Variants in SCAPER observed in about 807,000 individuals in gnomAD.
SCAPER encodes S phase cyclin A-associated protein in the endoplasmic reticulum.
In SCAPER, 98 loss-of-function variants were observed where a neutral mutation model predicts 182.2. The observed-to-expected ratio is 0.54, with a 90% CI of 0.46 to 0.64. The LOEUF (loss-of-function observed/expected upper bound fraction) is 0.64, where lower values mean the gene tolerates loss of function less well. SCAPER is among the 30% of genes least tolerant of loss of function. The pLI is 0.00. For synonymous variants in SCAPER, 605 were observed against 564.6 expected (o/e 1.07, Z -1.01); for missense variants, 1,432 against 1,690.0 (o/e 0.85, Z 2.68).
At chr15:76,822,628 T>C (rs1459776526) in intron 5 of SCAPER, among the ~76,000 whole-genome samples, 1 of 152,232 alleles carries the variant, frequency 6.6e-6, no homozygotes, top group Non-Finnish European at 1.5e-5. Context: ...TACTGCACCA[T>C]TCACAATGAT....
intron 21 of SCAPER, among the ~76,000 whole-genome samples, chr15:76,652,273 AATATATATATATATATATATATAT>A (rs1172636102): frequency 7.8e-5 from 1 of 12,870 alleles, no homozygotes; most frequent in Non-Finnish European, 1.3e-4. Flanking sequence ...AAAAAAAAAA[AATATATATATATATATATATATAT>A]ATATATATAT....
intron 8 of SCAPER, among the ~76,000 whole-genome samples, chr15:76,794,945 C>CT (rs1387111174): frequency 6.6e-6 from 1 of 152,130 alleles, no homozygotes; most frequent in African/African-American, 2.4e-5. Context: ...TAACATGCTA[C>CT]TTAAAAGTGA....
chr15:76,641,744 G>T (rs562337357), intron 21 of SCAPER, among the ~76,000 whole-genome samples: 1 of 152,238 alleles, frequency 6.6e-6, no homozygotes, highest in African/African-American at 2.4e-5. Context: ...AACAAAATTT[G>T]CATTTGGTAA....
intron 22 of SCAPER, among the ~76,000 whole-genome samples, chr15:76,612,352 C>T (rs539855740): frequency 1.2e-4 from 19 of 152,284 alleles, no homozygotes; most frequent in South Asian, 1.2e-3. Flanking sequence ...ATTCTCCCAC[C>T]TCAGCCTCCC....
rs140206535 is a variant in SCAPER, at chr15:76,377,831, G to A, written c.3706-1520C>T. ...CAGGTTTGTGGCTTTGAAGAAGGGT[G>A]AAGGAGCACTGGGAATGCTGCATTC... On this transcript the variant is annotated intron_variant, in intron 28 of 31. Transcript: ENST00000563290. 3.2e-3 allele frequency among the ~76,000 whole-genome samples: 485 copies of A among 152,348 alleles called. 5 individuals are homozygous for A. Among genetic ancestry groups the A allele is most frequent in the African/African-American group, 0.011 (463 of 41,576 alleles).
intron 16 of SCAPER, among the ~76,000 whole-genome samples, chr15:76,729,211 T>G (rs1480198924): frequency 1.3e-5 from 2 of 151,710 alleles, no homozygotes; most frequent in African/African-American, 4.8e-5. Flanking sequence ...TGTGGGACCT[T>G]GTGATTGTGT....
chr15:76,717,926 A>G (rs1232195342), intron 17 of SCAPER, among the ~76,000 whole-genome samples: 1 of 152,178 alleles, frequency 6.6e-6, no homozygotes, highest in African/African-American at 2.4e-5. Flanking sequence ...ACTTTGACCA[A>G]ATGGACCTAA....
At chr15:76,606,928 T>A (rs900601175) in intron 22 of SCAPER, among the ~76,000 whole-genome samples, 1 of 152,212 alleles carries the variant, frequency 6.6e-6, no homozygotes, top group Admixed American at 6.5e-5. Context: ...GTGAGATGGG[T>A]TTCCTGAATA....
At position 76,526,627 on chromosome 15, in the gene SCAPER, A is replaced by G. The variant is rs570296155; in HGVS notation, c.2839-21653T>C. Among the ~76,000 whole-genome samples the G allele has an allele frequency of 4.6e-5, 7 of 152,244 alleles. No individual in the cohort carries two copies. In the South Asian group the frequency reaches 1.5e-3, roughly 32 times the overall value. ...TGTTCTTCTGCTATTTTTAAGATAT[A>G]GTCCTTAATATTAATACTATGACCC... On this transcript the variant is annotated intron_variant, in intron 23 of 31. Coordinates refer to ENST00000563290, the MANE Select transcript of SCAPER (RefSeq NM_020843.4).
intron 22 of SCAPER, among the ~76,000 whole-genome samples, chr15:76,607,870 G>C (rs1248204758): frequency 6.6e-6 from 1 of 152,108 alleles, no homozygotes; most frequent in East Asian, 1.9e-4. Flanking sequence ...AGCTCCATCA[G>C]GTCCTCTAAG....
intron 22 of SCAPER, among the ~76,000 whole-genome samples, chr15:76,618,741 T>C (rs761956232): frequency 6.6e-6 from 1 of 152,216 alleles, no homozygotes; most frequent in Non-Finnish European, 1.5e-5. Flanking sequence ...TAAAAGTAAA[T>C]ATGTATTTCA....
At chr15:76,451,318 A>T (rs2048353979) in intron 25 of SCAPER, among the ~76,000 whole-genome samples, 1 of 152,226 alleles carries the variant, frequency 6.6e-6, no homozygotes. Flanking sequence ...GGATGCTAAG[A>T]TCATTCCTGT....
At chr15:76,530,109 T>A (rs1046011281) in intron 23 of SCAPER, among the ~76,000 whole-genome samples, 1 of 152,168 alleles carries the variant, frequency 6.6e-6, no homozygotes, top group Non-Finnish European at 1.5e-5. Flanking sequence ...GGAGGAATGA[T>A]CTACTTCCTA....
At chr15:76,625,971 A>G (rs983783150) in intron 21 of SCAPER, among the ~76,000 whole-genome samples, 1 of 152,126 alleles carries the variant, frequency 6.6e-6, no homozygotes, top group Non-Finnish European at 1.5e-5. Context: ...AGAATACACT[A>G]ACAGTAACGA....
At chr15:76,666,175 CG>C (rs1186941892) in intron 20 of SCAPER, among the ~76,000 whole-genome samples, 3 of 152,036 alleles carry the variant, frequency 2.0e-5, no homozygotes, top group African/African-American at 7.2e-5. Context: ...GTTCACTAGG[CG>C]GAAGAGGGGG....
At chr15:76,540,870 C>G (rs761563395) in intron 23 of SCAPER, among the ~76,000 whole-genome samples, 6 of 152,114 alleles carry the variant, frequency 3.9e-5, no homozygotes, top group Admixed American at 3.9e-4. Context: ...CACCTGTAAT[C>G]CCAGGACTTT....
chr15:76,724,948 G>C (rs2150995128), intron 17 of SCAPER, among the ~76,000 whole-genome samples: 1 of 152,224 alleles, frequency 6.6e-6, no homozygotes, highest in South Asian at 2.1e-4. Context: ...TCTCCGTCCA[G>C]CTTTGTTCTG....
At chr15:76,869,287 G>T (rs888510935) in intron 2 of SCAPER, among the ~76,000 whole-genome samples, 9 of 151,884 alleles carry the variant, frequency 5.9e-5, no homozygotes, top group Non-Finnish European at 1.3e-4. Context: ...GTAACTAAAA[G>T]GCTTCTGCAT....
intron 26 of SCAPER, among the ~76,000 whole-genome samples, chr15:76,419,915 AAC>A (rs1385168276): frequency 6.6e-6 from 1 of 152,224 alleles, no homozygotes; most frequent in Non-Finnish European, 1.5e-5. Context: ...TAAATTCAAT[AAC>A]ACATTAAAAA....
Sources: allele counts gnomAD v4.1 joint callset (sites outside exome capture counted in the v4.1 genomes callset), GRCh38; gene constraint gnomAD v4.1.1; transcripts MANE v1.5; gene names NCBI Gene and HGNC (gene_info 2026-07-23, HGNC 2026-07-21).